The following HERC4 variants were observed in gnomAD, a reference collection of about 807,000 sequenced individuals.
The protein encoded by HERC4 is HECT and RLD domain containing E3 ubiquitin protein ligase 4.
A neutral mutation model predicts 124.3 loss-of-function variants in HERC4; 28 were observed. The ratio of observed to expected loss-of-function variants is 0.23; its 90% CI spans 0.17 to 0.31. The LOEUF is 0.31. HERC4 is among the 10% of genes least tolerant of loss of function. The pLI is 1.00. For synonymous variants in HERC4, 407 were observed against 421.5 expected (o/e 0.97, Z 0.42); for missense variants, 713 against 1,229.3 (o/e 0.58, Z 6.28).
chr10:68,072,167 A>AT (rs2041607403), intron 3 of HERC4, among the ~76,000 whole-genome samples: 1 of 152,212 alleles, frequency 6.6e-6, no homozygotes, highest in South Asian at 2.1e-4. Flanking sequence ...CAAAACTCAC[A>AT]TAACAATGAT....
At chr10:68,060,119 C>T (rs1457908079) in intron 3 of HERC4, among the ~76,000 whole-genome samples, 6 of 150,578 alleles carry the variant, frequency 4.0e-5, no homozygotes, top group Non-Finnish European at 8.8e-5. Flanking sequence ...AGATACAAGA[C>T]TTTTGGATAA....
At chr10:68,014,278 T>C (rs2038134547) in intron 8 of HERC4, 92 bp from the exon 9 acceptor site, 11 of 1,193,046 alleles carry the variant, frequency 9.2e-6, no homozygotes, top group Non-Finnish European at 1.2e-5. Context: ...AGAGGTAATT[T>C]TTCTTTTCAA....
intron 4 of HERC4, chr10:68,040,436 A>G (rs1306104099): frequency 1.1e-6 from 1 of 876,226 alleles, no homozygotes; most frequent in Non-Finnish European, 1.4e-6. Context: ...TGTGAATGGT[A>G]AAACAAGGCT....
At chr10:67,981,577 A>G (rs1269726804) in intron 15 of HERC4, among the ~76,000 whole-genome samples, 1 of 152,234 alleles carries the variant, frequency 6.6e-6, no homozygotes, top group African/African-American at 2.4e-5. Context: ...ATGGCTGCAG[A>G]ATAAACATTG....
At chr10:67,946,763 T>C (rs1490833972) in intron 19 of HERC4, among the ~76,000 whole-genome samples, 1 of 151,704 alleles carries the variant, frequency 6.6e-6, no homozygotes, top group East Asian at 1.9e-4. Flanking sequence ...AAAAATTAAC[T>C]GGGCATGGTG....
At position 68,031,766 on chromosome 10, in the gene HERC4, T is replaced by C. The variant is rs1216099825; in HGVS notation, c.777+1012A>G. 2.0e-5 allele frequency among the ~76,000 whole-genome samples: 3 copies of C among 152,320 alleles called. No homozygotes were observed. In the East Asian group the frequency reaches 5.8e-4, roughly 29 times the overall value. ...TGATTAGAAGTTAATGCCTCTTTTT[T>C]TTTGAAACGAGGTCTCACTCTTTGT... On this transcript the variant is annotated intron_variant, in intron 7 of 24. Transcript: ENST00000373700.
Position 67,986,993 on chromosome 10 carries a change from G to A in HERC4, c.1806+1670C>T, listed in dbSNP as rs111641088. 8.6e-4 allele frequency among the ~76,000 whole-genome samples: 131 copies of A among 152,154 alleles called. 1 individual carries two copies. Among genetic ancestry groups the A allele is most frequent in the African/African-American group, 3.0e-3 (124 of 41,516 alleles). On this transcript the variant is annotated intron_variant, in intron 15 of 24. Transcript: ENST00000373700. The stretch of plus-strand genomic sequence containing the variant: ...AGTCTATGAAAAGGGGCAAAATACC[G>A]ACTATATAGGGTTTTAAAGTTAAAT...
chr10:68,074,006 T>A (rs2041692276), intron 1 of HERC4: 1 of 152,126 alleles, frequency 6.6e-6, no homozygotes, highest in Non-Finnish European at 1.5e-5. Context: ...GCAATCTATA[T>A]CTATCTATAT....
intron 16 of HERC4, 113 bp downstream of exon 16, chr10:67,966,570 T>C (rs1425690044): frequency 1.1e-6 from 1 of 947,902 alleles, no homozygotes; most frequent in African/African-American, 1.7e-5. Flanking sequence ...AAAAAGTAAG[T>C]TCTGGATAAA....
In HERC4 at chr10:67,983,876, T is replaced by A. The variant is rs567368819; in HGVS notation, c.1806+4787A>T. Reference sequence around the variant, plus strand: ...TACTCAGGAGGCTGAAGCAGCAGAATCGCTTGAACCCGGGAGACGGAGGTT... The same window carrying A: ...TACTCAGGAGGCTGAAGCAGCAGAAACGCTTGAACCCGGGAGACGGAGGTT... On this transcript the variant is annotated intron_variant, in intron 15 of 24. Transcript: ENST00000373700. Among the ~76,000 whole-genome samples, 13 of 150,806 alleles carry A rather than the reference T, an allele frequency of 8.6e-5. 1 individual carries two copies. Among genetic ancestry groups the A allele is most frequent in the Admixed American group, 2.6e-4 (4 of 15,178 alleles).
At chr10:68,029,061 C>T (rs777070253) in intron 7 of HERC4, among the ~76,000 whole-genome samples, 1 of 152,054 alleles carries the variant, frequency 6.6e-6, no homozygotes, top group Admixed American at 6.6e-5. Context: ...GTAGCTCCAG[C>T]TACTCAGGAG....
At chr10:68,008,624 T>C (rs1381940282) in intron 9 of HERC4, among the ~76,000 whole-genome samples, 1 of 152,058 alleles carries the variant, frequency 6.6e-6, no homozygotes, top group Non-Finnish European at 1.5e-5. Flanking sequence ...TAATAAGCAA[T>C]AGATTCAAAG....
chr10:67,933,109 T>C (rs2132047697), intron 22 of HERC4, among the ~76,000 whole-genome samples: 1 of 152,312 alleles, frequency 6.6e-6, no homozygotes, highest in East Asian at 1.9e-4. Flanking sequence ...AGAATTTATA[T>C]ATATCATGTC....
chr10:68,056,337 C>T (rs1032433264), intron 3 of HERC4, among the ~76,000 whole-genome samples: 2 of 152,116 alleles, frequency 1.3e-5, no homozygotes, highest in African/African-American at 4.8e-5. Flanking sequence ...CAATAAAATA[C>T]ATTGATCATG....
chr10:68,026,077 A>G (rs1222454755), intron 7 of HERC4, among the ~76,000 whole-genome samples: 1 of 152,168 alleles, frequency 6.6e-6, no homozygotes, highest in East Asian at 1.9e-4. Flanking sequence ...ACCAGAGTGC[A>G]TAAATAGAGC....
chr10:67,926,226 C>T (rs1169890227), intron 23 of HERC4, among the ~76,000 whole-genome samples: 1 of 152,018 alleles, frequency 6.6e-6, no homozygotes, highest in Non-Finnish European at 1.5e-5. Flanking sequence ...GAAACCCCAT[C>T]TCTACTGAAA....
intron 4 of HERC4, chr10:68,039,315 C>CAAAAA (rs5785844): frequency 1.6e-5 from 18 of 1,098,042 alleles, no homozygotes; most frequent in Admixed American, 3.9e-5. Context: ...GACCCTGTCT[C>CAAAAA]AAAAAAAAAA....
chr10:68,028,419 G>A (rs1193900304), intron 7 of HERC4, among the ~76,000 whole-genome samples: 1 of 152,106 alleles, frequency 6.6e-6, no homozygotes, highest in Non-Finnish European at 1.5e-5. Context: ...TCCAGTGAAA[G>A]CTCCTTCAAG....
At chr10:67,953,337 A>G (rs1242560843) in intron 19 of HERC4, among the ~76,000 whole-genome samples, 1 of 152,222 alleles carries the variant, frequency 6.6e-6, no homozygotes, top group Non-Finnish European at 1.5e-5. Context: ...CTGTCTATCT[A>G]TATTAGGGTA....
Sources: gnomAD v4.1 joint callset for allele counts (sites outside exome capture counted in the v4.1 genomes callset) on GRCh38, gnomAD v4.1.1 for gene constraint, MANE v1.5 for transcripts, NCBI Gene and HGNC (gene_info 2026-07-23, HGNC 2026-07-21) for gene names.